The following JAZF1 variants were observed in gnomAD, a reference collection of about 807,000 sequenced individuals.
JAZF1 encodes juxtaposed with another zinc finger protein 1.
JAZF1 carries 8 observed loss-of-function variants against 26.4 expected under a neutral mutation model. The observed-to-expected ratio is 0.30, with a 90% CI of 0.18 to 0.55. The LOEUF is 0.55. Among genes scored for constraint, JAZF1 ranks in the 20% least tolerant of loss-of-function variants. The probability of loss-of-function intolerance (pLI) is 0.94; values close to 1 mark genes in which losing one functional copy is unlikely to be tolerated. For synonymous variants in JAZF1, 126 were observed against 122.3 expected (o/e 1.03, Z -0.20); for missense variants, 199 against 322.0 (o/e 0.62, Z 2.92).
chr7:28,171,779 G>A (rs568911733), intron 1 of JAZF1, among the ~76,000 whole-genome samples: 1 of 152,234 alleles, frequency 6.6e-6, no homozygotes, highest in South Asian at 2.1e-4. Context: ...TACAGGATGG[G>A]GGTAATGTCT....
intron 3 of JAZF1, among the ~76,000 whole-genome samples, chr7:27,877,791 C>T (rs905298725): frequency 3.3e-5 from 5 of 152,140 alleles, no homozygotes; most frequent in Non-Finnish European, 7.4e-5. Context: ...GGTTTTTTCA[C>T]GTCTACGTTA....
rs183356512 is a variant in JAZF1 at position 28,095,829 on chromosome 7, G to C, written c.115+84634C>G. Reference sequence around the variant, plus strand: ...ACAGAAGCAATTCTGGAGGGCAGAAGTCCCAGATCAAGGCACCATCAGGAC... The same window carrying C: ...ACAGAAGCAATTCTGGAGGGCAGAACTCCCAGATCAAGGCACCATCAGGAC... On this transcript the variant is annotated intron_variant, in intron 1 of 4. Transcript: ENST00000283928. Among the ~76,000 whole-genome samples the C allele has an allele frequency of 9.8e-5, 15 of 152,354 alleles. No individual in the cohort carries two copies. The East Asian group carries it at 2.7e-3, about 27-fold the overall frequency.
At chr7:27,935,999 C>T (rs981804560) in intron 2 of JAZF1, among the ~76,000 whole-genome samples, 6 of 152,168 alleles carry the variant, frequency 3.9e-5, no homozygotes, top group African/African-American at 1.2e-4. Context: ...GTACCTCGTG[C>T]GCCTTGCCCT....
In JAZF1 at chr7:27,939,207, G is replaced by A. The variant is rs555496919; in HGVS notation, c.189-43791C>T. Reference sequence around the variant, plus strand: ...TACTTGGAGCTTTAGGAATGGTTTTGTTATCAGGAATTCTCTGCTTAAAAT... The same window carrying A: ...TACTTGGAGCTTTAGGAATGGTTTTATTATCAGGAATTCTCTGCTTAAAAT... On this transcript the variant is annotated intron_variant, in intron 2 of 4. Transcript: ENST00000283928. Among the ~76,000 whole-genome samples the A allele has an allele frequency of 2.0e-5, 3 of 152,302 alleles. No individual in the cohort carries two copies. The South Asian group carries it at 6.2e-4, about 32-fold the overall frequency.
intron 1 of JAZF1, among the ~76,000 whole-genome samples, chr7:28,170,132 AAAGTACAT>A (rs1211099561): frequency 6.6e-6 from 1 of 152,154 alleles, no homozygotes; most frequent in Admixed American, 6.5e-5. Flanking sequence ...TCTTTAAAAT[AAAGTACAT>A]GAGCTGAGTA....
At chr7:27,843,476 T>C (rs866058153) in intron 3 of JAZF1, 1 of 152,248 alleles carries the variant, frequency 6.6e-6, no homozygotes, top group South Asian at 2.1e-4. Context: ...TGGAAGGCAG[T>C]GTAAGCAATG....
intron 3 of JAZF1, among the ~76,000 whole-genome samples, chr7:27,856,836 T>C (rs1005739856): frequency 2.0e-5 from 3 of 152,222 alleles, no homozygotes; most frequent in Non-Finnish European, 4.4e-5. Flanking sequence ...AGAGTGCTGA[T>C]TGGTGCATTC....
intron 3 of JAZF1, among the ~76,000 whole-genome samples, chr7:27,856,372 T>C (rs1783252501): frequency 6.6e-6 from 1 of 152,184 alleles, no homozygotes; most frequent in African/African-American, 2.4e-5. Flanking sequence ...ATAAAGGCAG[T>C]GTGGACCCAA....
chr7:28,132,874 C>T (rs149860259), intron 1 of JAZF1, among the ~76,000 whole-genome samples: 2 of 152,238 alleles, frequency 1.3e-5, no homozygotes, highest in Admixed American at 6.5e-5. Context: ...GCCTTCACAC[C>T]GTGTACTCCT....
rs747779021 is a variant in JAZF1, at chr7:27,831,922, TCA to T, written c.*876_*877del. 32 of 218,150 alleles carry T rather than the reference TCA, an allele frequency of 1.5e-4. No homozygotes were observed. The highest frequency in any genetic ancestry group is 2.3e-4 in the Admixed American group (4 of 17,242). The allele number at this position is 218,150 out of a possible 1,614,324, so 13.5% of individuals were successfully genotyped here. A position where few individuals can be genotyped will look rare whatever the true frequency, so the allele number is the denominator to read the frequency against. ...CTGAAGATGAAGATATAACTAAACT[TCA>T]CACACACACACTTTGCACTGAAGTA... On this transcript the variant is annotated 3_prime_UTR_variant, in exon 5 of 5. Transcript: ENST00000283928.
intron 3 of JAZF1, among the ~76,000 whole-genome samples, chr7:27,877,888 A>T (rs1301185930): frequency 6.6e-6 from 1 of 151,970 alleles, no homozygotes; most frequent in African/African-American, 2.4e-5. Flanking sequence ...TGGCCCTATG[A>T]TTGTCTTGCA....
chr7:28,174,821 G>GGTGT (rs58952216), intron 1 of JAZF1, among the ~76,000 whole-genome samples: 1,139 of 107,750 alleles, frequency 0.011, 120 homozygotes, highest in African/African-American at 0.025. Flanking sequence ...GGGGTGTGTG[G>GGTGT]GTGTGTGTGT....
chr7:27,922,976 A>G (rs144551675), intron 2 of JAZF1, among the ~76,000 whole-genome samples: 1 of 152,336 alleles, frequency 6.6e-6, no homozygotes, highest in African/African-American at 2.4e-5. Flanking sequence ...CTTCCACAGC[A>G]TTTTAATCAT....
chr7:28,123,508 C>G (rs759575934), intron 1 of JAZF1, among the ~76,000 whole-genome samples: 1 of 152,230 alleles, frequency 6.6e-6, no homozygotes, highest in Admixed American at 6.5e-5. Context: ...GTGACCAGCA[C>G]AGTAGCACAT....
In JAZF1 at chr7:27,855,808, T is replaced by C. The variant is rs544822652; in HGVS notation, c.386-14941A>G. Among the ~76,000 whole-genome samples the C allele has an allele frequency of 2.0e-5, 3 of 152,280 alleles. No homozygotes were observed. The South Asian group carries it at 6.2e-4, about 32-fold the overall frequency. On this transcript the variant is annotated intron_variant, in intron 3 of 4. Transcript: ENST00000283928. ...TACAAAGAGGATCTGGTACCATTCCTTCTGAAATGATTCCAAACAATAGAA... is the reference window on the plus strand; with the variant it reads ...TACAAAGAGGATCTGGTACCATTCCCTCTGAAATGATTCCAAACAATAGAA...
chr7:27,896,133 T>C (rs2128342183), intron 2 of JAZF1, among the ~76,000 whole-genome samples: 1 of 152,346 alleles, frequency 6.6e-6, no homozygotes, highest in Middle Eastern at 3.4e-3. Flanking sequence ...TTTGTTTATG[T>C]TCTAATTTTA....
At chr7:27,969,975 T>C (rs1339112910) in intron 2 of JAZF1, among the ~76,000 whole-genome samples, 2 of 152,116 alleles carry the variant, frequency 1.3e-5, no homozygotes, top group African/African-American at 4.8e-5. Context: ...CTGCCATTTA[T>C]TAGCTGTGTA....
At chr7:27,998,025 A>AGAAGGAAG (rs199643152) in intron 1 of JAZF1, among the ~76,000 whole-genome samples, 3,785 of 111,042 alleles carry the variant, frequency 0.034, 132 homozygotes, top group East Asian at 0.098. Flanking sequence ...AATGGGGGGA[A>AGAAGGAAG]GAAGGAAGGA....
intron 1 of JAZF1, among the ~76,000 whole-genome samples, chr7:28,133,550 G>A (rs1782832875): frequency 1.3e-5 from 2 of 152,126 alleles, no homozygotes; most frequent in Admixed American, 6.5e-5. Context: ...CCAGGCCCCA[G>A]AATTCAACTT....
Sources: gnomAD v4.1 joint callset for allele counts (sites outside exome capture counted in the v4.1 genomes callset) on GRCh38, gnomAD v4.1.1 for gene constraint, MANE v1.5 for transcripts, NCBI Gene and HGNC (gene_info 2026-07-23, HGNC 2026-07-21) for gene names.